Variants in SCRN1 observed in about 807,000 individuals in gnomAD.
SCRN1 encodes the protein secernin-1.
SCRN1 carries 19 observed loss-of-function variants against 43.3 expected under a neutral mutation model. The observed-to-expected ratio is 0.44, with a 90% CI of 0.31 to 0.64. The LOEUF (loss-of-function observed/expected upper bound fraction) is 0.64. SCRN1 is among the 30% of genes least tolerant of loss of function. The pLI is 0.09. For missense variants in SCRN1, 447 were observed against 524.1 expected (o/e 0.85, Z 1.44); for synonymous variants, 183 against 188.9 (o/e 0.97, Z 0.26).
At chr7:29,983,990 G>C (rs577169832) in intron 1 of SCRN1, among the ~76,000 whole-genome samples, 3 of 152,244 alleles carry the variant, frequency 2.0e-5, no homozygotes, top group Admixed American at 6.5e-5. Flanking sequence ...TGGATCCCTT[G>C]AGGCCACGAG....
intron 2 of SCRN1, among the ~76,000 whole-genome samples, chr7:29,957,870 G>T (rs1788186423): frequency 1.3e-5 from 2 of 152,164 alleles, no homozygotes; most frequent in African/African-American, 4.8e-5. Flanking sequence ...GTGCCATGTG[G>T]GGGAGCTGCC....
At chr7:29,958,929 G>A (rs184755684) in intron 2 of SCRN1, among the ~76,000 whole-genome samples, 1 of 152,334 alleles carries the variant, frequency 6.6e-6, no homozygotes, top group East Asian at 1.9e-4. Flanking sequence ...CACTCTCTCA[G>A]GGACCACCTG....
intron 4 of SCRN1, among the ~76,000 whole-genome samples, chr7:29,941,396 G>T (rs752685789): frequency 1.1e-4 from 16 of 151,656 alleles, no homozygotes; most frequent in East Asian, 7.7e-4. Context: ...AATCTATATG[G>T]TTTTTTTTAA....
At chr7:29,978,647 T>C (rs1279868822) in intron 1 of SCRN1, among the ~76,000 whole-genome samples, 1 of 152,112 alleles carries the variant, frequency 6.6e-6, no homozygotes. Context: ...CGCATGGTGT[T>C]GTGAATGTAA....
rs1406415335 is a variant in SCRN1, at chr7:29,923,994, T to C, written c.1208A>G (p.Tyr403Cys). Residue 403 changes from tyrosine to cysteine, a missense_variant, in exon 8 of 8, where the codon TAT becomes TGT. By Grantham distance (194) the Tyr-to-Cys change is radical (BLOSUM62 -2). Transcript: ENST00000242059. Reference sequence around the variant, plus strand: ...CTTAATCTCCGTGTCAACACAGTCATAGAAAAGGTCCCCCACTTCCGCAGG... The same window carrying C: ...CTTAATCTCCGTGTCAACACAGTCACAGAAAAGGTCCCCCACTTCCGCAGG... ...LDPAEVGDLF[Y>C]DCVDTEIKFF... is the part of the protein sequence containing the mutation. 5.0e-6 allele frequency: 8 copies of C among 1,613,948 alleles called. No homozygotes were observed. Among genetic ancestry groups the C allele is most frequent in the Admixed American group, 1.7e-5 (1 of 59,974 alleles).
intron 3 of SCRN1, chr7:29,947,348 A>G (rs1787768981): frequency 6.5e-7 from 1 of 1,548,604 alleles, no homozygotes; most frequent in Admixed American, 2.0e-5. Context: ...TCACACCTGT[A>G]CTTCTCCTGC....
chr7:29,948,690 G>T (rs1583667865), intron 3 of SCRN1, among the ~76,000 whole-genome samples: 1 of 152,322 alleles, frequency 6.6e-6, no homozygotes, highest in East Asian at 1.9e-4. Context: ...AAAGAATAAA[G>T]TAGTTATGCA....
At position 29,936,640 on chromosome 7, in the gene SCRN1, G is replaced by A. The variant is rs1207088534; in HGVS notation, c.821C>T (p.Thr274Ile). 5 of 1,608,078 alleles carry A rather than the reference G, an allele frequency of 3.1e-6. No homozygotes were observed. Among genetic ancestry groups the A allele is most frequent in the Non-Finnish European group, 2.6e-6 (3 of 1,175,252 alleles). Reference protein sequence around the residue: ...GVCIDSEFFLTTASGVSVLPQ... With the variant: ...GVCIDSEFFLITASGVSVLPQ... ...CAGGACAGACACTCCACTGGCTGTG[G>A]TGAGGAAAAACTCAGAGTCTATGCA... is the stretch of plus-strand genomic sequence containing the variant. Residue 274 changes from threonine to isoleucine, a missense_variant, in exon 6 of 8, where the codon ACC becomes ATC. Coordinates refer to ENST00000242059, the MANE Select transcript of SCRN1 (RefSeq NM_014766.5).
chr7:29,960,016 AG>A (rs1401173193), intron 2 of SCRN1, among the ~76,000 whole-genome samples: 2 of 4,390 alleles, frequency 4.6e-4, no homozygotes, highest in East Asian at 0.011. Flanking sequence ...GAAGGGAGGG[AG>A]GGAGGGAGGG....
intron 1 of SCRN1, chr7:29,969,931 T>C (rs1032997398): frequency 2.2e-6 from 1 of 455,324 alleles, no homozygotes; most frequent in Non-Finnish European, 4.4e-6. Context: ...TTCTCCATTA[T>C]CTAATATATC....
intron 1 of SCRN1, among the ~76,000 whole-genome samples, chr7:29,987,984 T>C (rs907062590): frequency 1.3e-5 from 2 of 151,580 alleles, no homozygotes; most frequent in African/African-American, 2.4e-5. Flanking sequence ...TCCTCATGTA[T>C]CTCCTTCCCA....
chr7:29,935,736 T>A (rs1450994252), intron 6 of SCRN1, among the ~76,000 whole-genome samples: 4 of 152,230 alleles, frequency 2.6e-5, no homozygotes, highest in Non-Finnish European at 5.9e-5. Flanking sequence ...CATGACAGAA[T>A]GTTCCTGGGG....
At position 29,940,729 on chromosome 7, in the gene SCRN1, T is replaced by G. The variant is rs770795123; in HGVS notation, c.692A>C (p.Asp231Ala). The change falls in exon 5 of 8, where the codon GAT (aspartate) becomes GCT (alanine). Residue 231 changes from aspartate (D) to alanine (A), a missense_variant. Transcript: ENST00000242059. ...TTTGCCAGCACCGCAGTCTAGATGA[T>G]CCTCAACTGGAGAAAAGACTTCGGA... The part of the protein sequence containing the change: ...NFSEVFSPVE[D>A]HLDCGAGKDS... 1 of 1,606,764 alleles carries G rather than the reference T, an allele frequency of 6.2e-7. No individual in the cohort carries two copies. Among genetic ancestry groups the G allele is most frequent in the Non-Finnish European group, 8.5e-7 (1 of 1,178,030 alleles).
At chr7:29,934,998 A>G (rs2128088130) in intron 6 of SCRN1, among the ~76,000 whole-genome samples, 1 of 152,234 alleles carries the variant, frequency 6.6e-6, no homozygotes, top group South Asian at 2.1e-4. Flanking sequence ...CTTTTTACCT[A>G]AAGAACCCCT....
chr7:29,966,091 CGAGA>C (rs769776215), intron 2 of SCRN1, among the ~76,000 whole-genome samples: 7 of 127,308 alleles, frequency 5.5e-5, no homozygotes, highest in Admixed American at 3.5e-4. Flanking sequence ...GACAGAGGAA[CGAGA>C]GAGAGAGAGA....
intron 1 of SCRN1, among the ~76,000 whole-genome samples, chr7:29,978,020 G>A (rs970034398): frequency 2.0e-5 from 3 of 152,194 alleles, no homozygotes; most frequent in African/African-American, 7.2e-5. Context: ...TTCACCTTTT[G>A]AAGATTTGCT....
intron 2 of SCRN1, among the ~76,000 whole-genome samples, chr7:29,955,982 A>G (rs58002111): frequency 0.011 from 1,618 of 152,360 alleles, 32 homozygotes; most frequent in African/African-American, 0.037. Flanking sequence ...AGAAGGAAAC[A>G]GTCCCATGGA....
In SCRN1 at chr7:29,936,721, T is replaced by C. The variant is rs1175306691; in HGVS notation, c.740A>G (p.Glu247Gly). 3 of 1,529,026 alleles carry C rather than the reference T, an allele frequency of 2.0e-6. No individual in the cohort carries two copies. The highest frequency in any genetic ancestry group is 1.8e-5 in the Admixed American group (1 of 56,182). The allele number at this position is 1,529,026 out of a possible 1,614,324, so 94.7% of individuals were successfully genotyped here. A position where few individuals can be genotyped will look rare whatever the true frequency, so the allele number is the denominator to read the frequency against. ...CATCATAGTCTGCACTGTGATGCTT[T>C]CTGCAAAAACACAAAAGACAGACAA... ...AGKDSLEKQE[E>G]SITVQTMMNT... The change falls in exon 6 of 8, where the codon GAA becomes GGA. Residue 247 changes from glutamate to glycine, a missense_variant and splice_region_variant. Coordinates refer to ENST00000242059, the MANE Select transcript of SCRN1 (RefSeq NM_014766.5).
intron 1 of SCRN1, among the ~76,000 whole-genome samples, chr7:29,981,520 G>C (rs1788991879): frequency 6.6e-6 from 1 of 152,168 alleles, no homozygotes; most frequent in African/African-American, 2.4e-5. Flanking sequence ...TGGAGATTTA[G>C]GTTAAATACA....
Sources: gnomAD v4.1 joint callset for allele counts (sites outside exome capture counted in the v4.1 genomes callset) on GRCh38, gnomAD v4.1.1 for gene constraint, MANE v1.5 for transcripts, NCBI Gene and HGNC (gene_info 2026-07-23, HGNC 2026-07-21) for gene names.